ARHGEF10L: variants seen among roughly 807,000 people sequenced by gnomAD.
ARHGEF10L encodes rho guanine nucleotide exchange factor 10-like protein.
ARHGEF10L carries 69 observed loss-of-function variants against 141.2 expected under a neutral mutation model. The ratio of observed to expected loss-of-function variants is 0.49; its 90% confidence interval spans 0.40 to 0.60. ARHGEF10L has a LOEUF of 0.60. ARHGEF10L is among the 20% of genes least tolerant of loss of function. ARHGEF10L has a pLI of 0.00. For missense variants in ARHGEF10L, 1,482 were observed against 1,734.3 expected (o/e 0.85, Z 2.58); for synonymous variants, 711 against 718.5 (o/e 0.99, Z 0.17).
At position 17,658,983 on chromosome 1, in the gene ARHGEF10L, G is replaced by A. The variant is rs554253458; in HGVS notation, c.2860+2275G>A. Among the ~76,000 whole-genome samples the A allele has an allele frequency of 1.2e-4, 19 of 152,292 alleles. 1 individual carries two copies. Among genetic ancestry groups the A allele is most frequent in the Admixed American group, 9.2e-4 (14 of 15,300 alleles). ...AATGCTTGATTTGGTGGGGGAACCCGGAGAGGAAGCCATTTTGCTGGACAG... is the reference window on the plus strand; with the variant it reads ...AATGCTTGATTTGGTGGGGGAACCCAGAGAGGAAGCCATTTTGCTGGACAG... On this transcript the variant is annotated intron_variant, in intron 25 of 28. Coordinates refer to ENST00000361221, the MANE Select transcript of ARHGEF10L (RefSeq NM_018125.4).
Position 17,686,516 on chromosome 1 carries a change from G to A in ARHGEF10L, c.3010-1057G>A, listed in dbSNP as rs541576820. Among the ~76,000 whole-genome samples, 314 of 152,306 alleles carry A rather than the reference G, an allele frequency of 2.1e-3. 2 individuals carry two copies. The highest frequency in any genetic ancestry group is 7.4e-3 in the African/African-American group (309 of 41,568). On this transcript the variant is annotated intron_variant, in intron 26 of 28. Coordinates refer to ENST00000361221, the MANE Select transcript of ARHGEF10L (RefSeq NM_018125.4). ...CCATTCAGAAGGAAGTGGCTGGTCCGTGGCGGGGTGGGGCCTGCCTCCTGG... is the reference window on the plus strand; with the variant it reads ...CCATTCAGAAGGAAGTGGCTGGTCCATGGCGGGGTGGGGCCTGCCTCCTGG...
At chr1:17,552,494 G>A (rs2077150087) in intron 1 of ARHGEF10L, among the ~76,000 whole-genome samples, 1 of 150,538 alleles carries the variant, frequency 6.6e-6, no homozygotes, top group Admixed American at 6.6e-5. Context: ...TGCTTCCCGG[G>A]TTCAAGTGAT....
Position 17,623,870 on chromosome 1 carries a change from T to C in ARHGEF10L, c.1201-517T>C, listed in dbSNP as rs990815703. On this transcript the variant is annotated intron_variant, in intron 12 of 28. Transcript: ENST00000361221. This position sits in a 1 kb window ranked among gnomAD's most constrained non-coding sequence, Gnocchi z 4.7. ...GCGCTCGATAGAGTCACTGAATAGG[T>C]CTGATGTTCTGGGTGTATATCAAGG... 6.6e-6 allele frequency among the ~76,000 whole-genome samples: 1 copy of C among 152,162 alleles called. No homozygotes were observed. The highest frequency in any genetic ancestry group is 6.5e-5 in the Admixed American group (1 of 15,282).
intron 1 of ARHGEF10L, among the ~76,000 whole-genome samples, chr1:17,540,360 C>T (rs2076677086): frequency 6.6e-6 from 1 of 151,796 alleles, no homozygotes; most frequent in Non-Finnish European, 1.5e-5. Flanking sequence ...AGGGAGTGCC[C>T]CTGTCGCCTC....
chr1:17,576,017 C>A (rs1444900148), intron 1 of ARHGEF10L, among the ~76,000 whole-genome samples: 1 of 152,212 alleles, frequency 6.6e-6, no homozygotes, highest in Non-Finnish European at 1.5e-5. Flanking sequence ...GCTTCCCCCG[C>A]TTCTGCCTGG....
At chr1:17,576,272 G>A (rs2078219859) in intron 1 of ARHGEF10L, among the ~76,000 whole-genome samples, 1 of 152,130 alleles carries the variant, frequency 6.6e-6, no homozygotes, top group Non-Finnish European at 1.5e-5. Context: ...CCTAGTGGGA[G>A]GGGAACTAAT....
At chr1:17,519,778 C>T in the ARHGEF10L span, among the ~76,000 whole-genome samples, 4 of 151,176 alleles carry the variant, frequency 2.6e-5, no homozygotes, top group African/African-American at 4.9e-5. Flanking sequence ...GAGGTTGCAG[C>T]GATGCAGTGA....
At chr1:17,694,863 C>T (rs781603262) in intron 27 of ARHGEF10L, 29 of 575,732 alleles carry the variant, frequency 5.0e-5, no homozygotes, top group Non-Finnish European at 8.5e-5. Context: ...GTATTGAGAG[C>T]GCACACAGAC....
At chr1:17,521,326 AGCTGGGATTACAG>A in the ARHGEF10L span, among the ~76,000 whole-genome samples, 1 of 152,210 alleles carries the variant, frequency 6.6e-6, no homozygotes, top group Non-Finnish European at 1.5e-5. Flanking sequence ...CCTCCCGAGT[AGCTGGGATTACAG>A]GCATGCGCCA....
chr1:17,681,626 C>CAGGGGAGCCCTACACCTCCCACAGCAGT (rs2064135456), intron 26 of ARHGEF10L, among the ~76,000 whole-genome samples: 1 of 151,896 alleles, frequency 6.6e-6, no homozygotes, highest in Admixed American at 6.6e-5. Context: ...TGCTGTGGGG[C>CAGGGGAGCCCTACACCTCCCACAGCAGT]TGGGGGTCAG....
rs976187032 is a variant in ARHGEF10L at position 17,658,351 on chromosome 1, A to G, written c.2860+1643A>G. Among the ~76,000 whole-genome samples the G allele has an allele frequency of 4.6e-5, 7 of 152,258 alleles. No homozygotes were observed. The East Asian group carries it at 7.7e-4, about 17-fold the overall frequency. ...AAAACATGGGGTTTGGGGTCCACCC[A>G]TTGGCTTCTAGTCTGGGGTTGGAGC... On this transcript the variant is annotated intron_variant, in intron 25 of 28. Transcript: ENST00000361221.
At chr1:17,608,574 C>T (rs2101047513) in intron 7 of ARHGEF10L, among the ~76,000 whole-genome samples, 1 of 152,244 alleles carries the variant, frequency 6.6e-6, no homozygotes, top group South Asian at 2.1e-4. Flanking sequence ...TGCTTATTTC[C>T]TGGAGGGGAG....
intron 19 of ARHGEF10L, 124 bp from the exon 20 acceptor site, chr1:17,638,437 CA>C: frequency 7.1e-7 from 1 of 1,401,736 alleles, no homozygotes; most frequent in East Asian, 2.3e-5. Flanking sequence ...TGTGCAGCCT[CA>C]GTGAGGCTCC....
Position 17,639,874 on chromosome 1 carries a change from A to C in ARHGEF10L, c.2172-328A>C. ...TGTAAGGTGTCTAAGACCTGTGGAC[A>C]GCTGACCGCTGACCAGGTGGAGTCA... On this transcript the variant is annotated intron_variant, in intron 20 of 28. Coordinates refer to ENST00000361221, the MANE Select transcript of ARHGEF10L (RefSeq NM_018125.4). The surrounding 1 kb of genome is among the most constrained non-coding windows in gnomAD (Gnocchi z 4.3). 7.2e-7 allele frequency: 1 copy of C among 1,396,700 alleles called. No individual in the cohort carries two copies. Among genetic ancestry groups the C allele is most frequent in the Non-Finnish European group, 9.5e-7 (1 of 1,058,058 alleles). The allele number at this position is 1,396,700 out of a possible 1,614,324, so 86.5% of individuals were successfully genotyped here. A position where few individuals can be genotyped will look rare whatever the true frequency, so the allele number is the denominator to read the frequency against.
In ARHGEF10L at chr1:17,616,152, G is replaced by T; in HGVS notation, c.785G>T (p.Arg262Leu). The T allele has an allele frequency of 6.8e-6, 11 of 1,613,794 alleles. No homozygotes were observed. Among genetic ancestry groups the T allele is most frequent in the Non-Finnish European group, 9.3e-6 (11 of 1,179,996 alleles). Residue 262 changes from arginine to leucine, a missense_variant, in exon 9 of 29, where the codon CGG becomes CTG. Arg to Leu is a moderately radical substitution (Grantham distance 102, BLOSUM62 -2). Transcript: ENST00000361221. ...ACCAAGGATGGGCTGGAGAAGACAC[G>T]GATGGCCGTGATGCGCAAAGTCTCC... ...SGTKDGLEKT[R>L]MAVMRKVSFL...
chr1:17,569,396 CG>C (rs2100325460), intron 1 of ARHGEF10L, among the ~76,000 whole-genome samples: 1 of 152,304 alleles, frequency 6.6e-6, no homozygotes, highest in African/African-American at 2.4e-5. Context: ...TGAGGGCCCC[CG>C]GGGGTCCTGG....
At chr1:17,616,313 C>T (rs930492199) in intron 9 of ARHGEF10L, 111 bp downstream of exon 9, 40 of 886,276 alleles carry the variant, frequency 4.5e-5, no homozygotes, top group African/African-American at 6.7e-5. Context: ...TACCACTTGG[C>T]GTATGGTTCC....
At chr1:17,637,811 C>CT in intron 18 of ARHGEF10L, 77 bp from the exon 19 acceptor site, 1 of 1,372,426 alleles carries the variant, frequency 7.3e-7, no homozygotes, top group Non-Finnish European at 9.9e-7. Context: ...GCCTCTGGAT[C>CT]TTTTTTGTTG....
At chr1:17,645,586 T>C (rs2061552880) in intron 21 of ARHGEF10L, among the ~76,000 whole-genome samples, 1 of 152,068 alleles carries the variant, frequency 6.6e-6, no homozygotes, top group South Asian at 2.1e-4. Context: ...TGCTTGATTG[T>C]AAGTTCCTTG....
Sources: allele counts gnomAD v4.1 joint callset (sites outside exome capture counted in the v4.1 genomes callset), GRCh38; gene constraint gnomAD v4.1.1; non-coding constraint Gnocchi (gnomAD v3.1); transcripts MANE v1.5; gene names NCBI Gene and HGNC (gene_info 2026-07-23, HGNC 2026-07-21).